HDAC9: variants seen among roughly 807,000 people sequenced by gnomAD.
The protein encoded by HDAC9 is histone deacetylase 9.
A neutral mutation model predicts 139.4 loss-of-function variants in HDAC9; 41 were observed. The observed-to-expected ratio is 0.29, with a 90% CI of 0.23 to 0.38. The LOEUF (loss-of-function observed/expected upper bound fraction) is 0.38, where lower values mean the gene tolerates loss of function less well. HDAC9 is among the 10% of genes least tolerant of loss of function. HDAC9 has a pLI of 1.00. For missense variants in HDAC9, 1,147 were observed against 1,297.0 expected (o/e 0.88, Z 1.78); for synonymous variants, 517 against 476.2 (o/e 1.09, Z -1.12).
chr7:18,509,472 C>T (rs1056975796), intron 2 of HDAC9: 38 of 983,186 alleles, frequency 3.9e-5, no homozygotes, highest in Middle Eastern at 1.0e-3. Context: ...TTTTTTCCCC[C>T]GAGTGATTAT....
chr7:18,138,134 G>T (rs1447292687), intron 1 of HDAC9, among the ~76,000 whole-genome samples: 1 of 152,190 alleles, frequency 6.6e-6, no homozygotes, highest in East Asian at 1.9e-4. Context: ...TTGTATTTCT[G>T]TGGGATCGGT....
chr7:18,536,408 A>C (rs1422335897), intron 2 of HDAC9, among the ~76,000 whole-genome samples: 2 of 152,246 alleles, frequency 1.3e-5, no homozygotes, highest in African/African-American at 4.8e-5. Flanking sequence ...GGAAGAGCCC[A>C]AAATAAGAAA....
chr7:18,210,189 A>G (rs551779110), intron 2 of HDAC9, among the ~76,000 whole-genome samples: 42 of 152,294 alleles, frequency 2.8e-4, no homozygotes, highest in African/African-American at 9.9e-4. Context: ...TAATCCAGAT[A>G]TTCTGTGGTG....
intron 3 of HDAC9, among the ~76,000 whole-genome samples, chr7:18,590,022 A>G (rs946644267): frequency 2.0e-5 from 3 of 152,192 alleles, no homozygotes; most frequent in South Asian, 4.1e-4. Context: ...TCCTGTTTGT[A>G]TGTTCAAAGA....
At chr7:18,617,841 A>G (rs949771539) in intron 6 of HDAC9, among the ~76,000 whole-genome samples, 5 of 152,172 alleles carry the variant, frequency 3.3e-5, no homozygotes, top group Non-Finnish European at 4.4e-5. Context: ...TTATTTGGGT[A>G]TTTAAAATTC....
intron 1 of HDAC9, among the ~76,000 whole-genome samples, chr7:18,356,074 A>G (rs905219933): frequency 1.3e-5 from 2 of 152,162 alleles, no homozygotes; most frequent in Non-Finnish European, 2.9e-5. Flanking sequence ...TGGTATCTAA[A>G]TATACCTTAG....
chr7:18,682,759 G>A (rs1375243625), intron 12 of HDAC9, among the ~76,000 whole-genome samples: 5 of 151,926 alleles, frequency 3.3e-5, no homozygotes, highest in Non-Finnish European at 7.4e-5. Flanking sequence ...GAGGTGGGTG[G>A]ATCATTTGAG....
chr7:18,100,650 C>T (rs1782788687), intron 1 of HDAC9, among the ~76,000 whole-genome samples: 1 of 152,178 alleles, frequency 6.6e-6, no homozygotes, highest in East Asian at 1.9e-4. Context: ...ACTTTCTGGA[C>T]ATATGGAATA....
intron 2 of HDAC9, among the ~76,000 whole-genome samples, chr7:18,210,011 CT>C (rs34805942): frequency 0.3 from 43,749 of 146,564 alleles, 7,113 homozygotes; most frequent in Admixed American, 0.43. Context: ...AGAGAAGGTA[CT>C]TTTTTTTTTT....
intron 12 of HDAC9, among the ~76,000 whole-genome samples, chr7:18,695,390 T>C (rs1392441524): frequency 6.6e-6 from 1 of 152,210 alleles, no homozygotes; most frequent in Non-Finnish European, 1.5e-5. Flanking sequence ...ACAAATAATA[T>C]CAACATAAAT....
chr7:18,824,083 A>AGAAGAAGAAGAAGAAGAAGAG (rs1795220783), intron 17 of HDAC9, among the ~76,000 whole-genome samples: 1 of 150,776 alleles, frequency 6.6e-6, no homozygotes. Flanking sequence ...AAGAAGAAGA[A>AGAAGAAGAAGAAGAAGAAGAG]GAAGAACAAG....
intron 1 of HDAC9, among the ~76,000 whole-genome samples, chr7:18,373,660 TC>T (rs1231348540): frequency 6.6e-6 from 1 of 152,170 alleles, no homozygotes. Flanking sequence ...CAATGCTACT[TC>T]CCTTGAAATC....
chr7:18,567,322 C>T lies in HDAC9; in HGVS notation c.23-17959C>T, dbSNP rs190786759. Among the ~76,000 whole-genome samples the T allele has an allele frequency of 6.6e-4, 100 of 152,328 alleles. 1 individual carries two copies. The highest frequency in any genetic ancestry group is 2.3e-3 in the African/African-American group (95 of 41,570). On this transcript the variant is annotated intron_variant, in intron 2 of 25. Coordinates refer to ENST00000686413, the MANE Select transcript of HDAC9 (RefSeq NM_178425.4). ...GGCGAGGAAACCTGAATAACAACCCCTATACAAGAGCATTTACCTTAGCAT... is the reference window on the plus strand; with the variant it reads ...GGCGAGGAAACCTGAATAACAACCCTTATACAAGAGCATTTACCTTAGCAT...
chr7:18,815,995 C>G (rs75063658), intron 17 of HDAC9, among the ~76,000 whole-genome samples: 1,804 of 152,244 alleles, frequency 0.012, 38 homozygotes, highest in African/African-American at 0.041. Flanking sequence ...CTGAAGTTAG[C>G]TGGGTTTAGG....
chr7:18,097,050 G>T (rs1488432829), intron 1 of HDAC9, among the ~76,000 whole-genome samples: 1 of 152,142 alleles, frequency 6.6e-6, no homozygotes, highest in Non-Finnish European at 1.5e-5. Flanking sequence ...CAACATCATA[G>T]CCACTAGGCA....
chr7:18,445,909 C>T (rs551479225), intron 1 of HDAC9, among the ~76,000 whole-genome samples: 1 of 152,146 alleles, frequency 6.6e-6, no homozygotes, highest in Non-Finnish European at 1.5e-5. Flanking sequence ...GAACAAAAAC[C>T]GGTTTACAAG....
chr7:18,302,435 GAA>G (rs1798603048), intron 1 of HDAC9, among the ~76,000 whole-genome samples: 1 of 152,208 alleles, frequency 6.6e-6, no homozygotes, highest in Non-Finnish European at 1.5e-5. Context: ...AGGTGTCAAA[GAA>G]GGGCGTTAGT....
At chr7:18,514,522 T>C (rs1025911731) in intron 2 of HDAC9, among the ~76,000 whole-genome samples, 4 of 152,230 alleles carry the variant, frequency 2.6e-5, no homozygotes, top group African/African-American at 7.2e-5. Flanking sequence ...ACAGAGATGA[T>C]TGTAAAAATG....
chr7:18,345,863 A>G (rs1044242471), intron 1 of HDAC9, among the ~76,000 whole-genome samples: 5 of 151,792 alleles, frequency 3.3e-5, no homozygotes, highest in Non-Finnish European at 7.4e-5. Flanking sequence ...GGCCTCTGGC[A>G]TGCATTAGAG....
Sources: gnomAD v4.1 joint callset for allele counts (sites outside exome capture counted in the v4.1 genomes callset) on GRCh38, gnomAD v4.1.1 for gene constraint, MANE v1.5 for transcripts, NCBI Gene and HGNC (gene_info 2026-07-23, HGNC 2026-07-21) for gene names.